Variants in ENTREP2 observed in about 807,000 individuals in gnomAD.
ENTREP2 encodes endosomal transmembrane epsin interactor 2.
the ENTREP2 span, among the ~76,000 whole-genome samples, chr15:29,165,618 G>A: frequency 4.6e-5 from 7 of 152,222 alleles, no homozygotes; most frequent in East Asian, 1.9e-4. Context: ...AACCCTCCTA[G>A]CTTAAATCAG....
chr15:29,640,877 G>C, the ENTREP2 span, among the ~76,000 whole-genome samples: 2 of 152,060 alleles, frequency 1.3e-5, no homozygotes, highest in Admixed American at 1.3e-4. Context: ...CACAAGAAGA[G>C]AAAACTACAG....
At chr15:29,651,007 C>A in the ENTREP2 span, among the ~76,000 whole-genome samples, 4 of 152,138 alleles carry the variant, frequency 2.6e-5, no homozygotes, top group African/African-American at 9.7e-5. Flanking sequence ...CAGATAGAGA[C>A]CTCTGTCTCT....
the ENTREP2 span, among the ~76,000 whole-genome samples, chr15:29,200,066 G>C: frequency 3.9e-5 from 6 of 152,236 alleles, no homozygotes; most frequent in East Asian, 5.8e-4. Flanking sequence ...TTGTTCCATT[G>C]ATCTATCTTT....
chr15:29,158,200 A>G, the ENTREP2 span, among the ~76,000 whole-genome samples: 1 of 152,104 alleles, frequency 6.6e-6, no homozygotes, highest in East Asian at 1.9e-4. Flanking sequence ...AGAAACACCA[A>G]CTCTGACCTC....
the ENTREP2 span, among the ~76,000 whole-genome samples, chr15:29,400,699 G>A: frequency 1.3e-5 from 2 of 152,150 alleles, no homozygotes; most frequent in African/African-American, 2.4e-5. Flanking sequence ...ACAATTTTAA[G>A]ACATAATAGA....
the ENTREP2 span, among the ~76,000 whole-genome samples, chr15:29,584,027 T>C: frequency 6.6e-6 from 1 of 152,050 alleles, no homozygotes; most frequent in Admixed American, 6.6e-5. Flanking sequence ...AAGAAAAAAA[T>C]AGATAAATTG....
At chr15:29,436,905 A>C in the ENTREP2 span, among the ~76,000 whole-genome samples, 1 of 152,242 alleles carries the variant, frequency 6.6e-6, no homozygotes, top group Admixed American at 6.5e-5. Context: ...ACAGAATTTC[A>C]AACGGTCATA....
At chr15:29,240,090 T>C in the ENTREP2 span, among the ~76,000 whole-genome samples, 1 of 152,220 alleles carries the variant, frequency 6.6e-6, no homozygotes, top group South Asian at 2.1e-4. Context: ...TGGCTGGACA[T>C]GGTGGCTCAC....
At chr15:29,531,767 G>A in the ENTREP2 span, among the ~76,000 whole-genome samples, 1 of 152,284 alleles carries the variant, frequency 6.6e-6, no homozygotes. Context: ...CCAGGTTCAA[G>A]CGATTCTCCT....
the ENTREP2 span, among the ~76,000 whole-genome samples, chr15:29,369,258 A>C: frequency 6.6e-6 from 1 of 152,310 alleles, no homozygotes; most frequent in Middle Eastern, 3.4e-3. Context: ...GAATAAACTC[A>C]AAGAGATCCA....
At chr15:29,591,166 G>T in the ENTREP2 span, among the ~76,000 whole-genome samples, 1 of 152,138 alleles carries the variant, frequency 6.6e-6, no homozygotes, top group Non-Finnish European at 1.5e-5. Context: ...TCTTCTGGGA[G>T]ATGCTGTGGC....
chr15:29,268,782 A>C, the ENTREP2 span: 13 of 1,592,298 alleles, frequency 8.2e-6, no homozygotes, highest in Non-Finnish European at 1.1e-5. Context: ...GTCCCTCTGA[A>C]TCCACCTTTC....
chr15:29,213,530 G>C, the ENTREP2 span, among the ~76,000 whole-genome samples: 1 of 152,158 alleles, frequency 6.6e-6, no homozygotes, highest in Non-Finnish European at 1.5e-5. Context: ...GGATTCCTAG[G>C]TATTTTATTC....
chr15:29,234,317 G>A, the ENTREP2 span: 9 of 1,607,586 alleles, frequency 5.6e-6, no homozygotes, highest in Non-Finnish European at 7.7e-6. Context: ...TATGTAATCT[G>A]AAGAGTAACT....
the ENTREP2 span, among the ~76,000 whole-genome samples, chr15:29,463,140 C>T: frequency 7.2e-5 from 11 of 152,200 alleles, no homozygotes; most frequent in African/African-American, 2.4e-4. Flanking sequence ...CAGGCTGATT[C>T]CCCTGCAGAA....
At chr15:29,571,122 G>A in the ENTREP2 span, among the ~76,000 whole-genome samples, 1 of 151,388 alleles carries the variant, frequency 6.6e-6, no homozygotes, top group Non-Finnish European at 1.5e-5. Flanking sequence ...GGGAGCGGGA[G>A]CCGGGACCCG....
chr15:29,159,428 A>G, the ENTREP2 span, among the ~76,000 whole-genome samples: 1 of 152,178 alleles, frequency 6.6e-6, no homozygotes, highest in African/African-American at 2.4e-5. Context: ...CTTCCACAGC[A>G]TAGAAAAGGA....
At chr15:29,475,588 G>A in the ENTREP2 span, among the ~76,000 whole-genome samples, 6 of 152,278 alleles carry the variant, frequency 3.9e-5, no homozygotes, top group African/African-American at 1.4e-4. Flanking sequence ...GGGGCGAGGG[G>A]GCAGTGCTGG....
the ENTREP2 span, among the ~76,000 whole-genome samples, chr15:29,414,224 T>A: frequency 6.6e-6 from 1 of 152,120 alleles, no homozygotes; most frequent in Non-Finnish European, 1.5e-5. Flanking sequence ...CCACACCTAT[T>A]CCAAAATTGA....
Sources: allele counts gnomAD v4.1 joint callset (sites outside exome capture counted in the v4.1 genomes callset), GRCh38; gene constraint gnomAD v4.1.1; transcripts MANE v1.5; gene names NCBI Gene and HGNC (gene_info 2026-07-23, HGNC 2026-07-21).